The following CCDC60 variants were observed in gnomAD, a reference collection of about 807,000 sequenced individuals.
The protein encoded by CCDC60 is coiled-coil domain-containing protein 60.
CCDC60 carries 54 observed loss-of-function variants against 63.5 expected under a neutral mutation model. The observed-to-expected ratio is 0.85, with a 90% CI of 0.68 to 1.07. The LOEUF (loss-of-function observed/expected upper bound fraction) is 1.07, where lower values mean the gene tolerates loss of function less well. Ranked by LOEUF, CCDC60 falls within the 50% of genes least tolerant of loss-of-function variation. The pLI is 0.00. For missense variants in CCDC60, 651 were observed against 684.3 expected, an observed-to-expected ratio of 0.95 and a Z score of 0.54; for synonymous variants, 206 against 238.8, an observed-to-expected ratio of 0.86 and a Z score of 1.27.
Position 119,523,940 on chromosome 12 carries a change from G to C in CCDC60, c.1229+122G>C, listed in dbSNP as rs1002086648. On this transcript the variant is annotated intron_variant, in intron 11 of 13. Transcript: ENST00000327554. ...AGAAGAACTTGTTCTCTGTCCTCAG[G>C]GAGCTCACAGTCTTCTGGAAAATAT... The C allele has an allele frequency of 1.4e-5, 14 of 996,256 alleles. No individual in the cohort carries two copies. In the Admixed American group the frequency reaches 2.6e-4, roughly 18 times the overall value. 61.7% of individuals were successfully genotyped at this position (996,256 alleles called of 1,614,324 possible). A position where few individuals can be genotyped will look rare whatever the true frequency, so the allele number is the denominator to read the frequency against.
intron 9 of CCDC60, among the ~76,000 whole-genome samples, chr12:119,522,238 G>A (rs925569413): frequency 6.6e-6 from 1 of 152,216 alleles, no homozygotes; most frequent in Admixed American, 6.5e-5. Flanking sequence ...GAAAGCCCAA[G>A]TCCCTAAACA....
At chr12:119,475,286 A>G (rs1047009582) in intron 3 of CCDC60, among the ~76,000 whole-genome samples, 3 of 152,222 alleles carry the variant, frequency 2.0e-5, no homozygotes, top group African/African-American at 7.2e-5. Context: ...GATGGTGTCT[A>G]TGAAAGACAC....
chr12:119,377,529 C>T (rs1955965741), intron 1 of CCDC60, among the ~76,000 whole-genome samples: 1 of 152,158 alleles, frequency 6.6e-6, no homozygotes, highest in Non-Finnish European at 1.5e-5. Context: ...TCATCCCAAA[C>T]CAGTTTTACT....
chr12:119,428,422 G>A (rs1172776345), intron 1 of CCDC60, among the ~76,000 whole-genome samples: 1 of 152,188 alleles, frequency 6.6e-6, no homozygotes, highest in Non-Finnish European at 1.5e-5. Context: ...GAGAGGTTGA[G>A]TAATTTGTTC....
chr12:119,511,576 T>C (rs1336579557), intron 7 of CCDC60, among the ~76,000 whole-genome samples: 1 of 152,186 alleles, frequency 6.6e-6, no homozygotes, highest in East Asian at 1.9e-4. Flanking sequence ...AAAGACTTCC[T>C]CTATTCCCCC....
chr12:119,427,105 A>G (rs1956915452), intron 1 of CCDC60, among the ~76,000 whole-genome samples: 2 of 151,178 alleles, frequency 1.3e-5, no homozygotes, highest in Admixed American at 1.3e-4. Context: ...TTTGCTGTTT[A>G]CTTTTTAAAT....
At chr12:119,359,536 C>CTTTTTTTTTTTT (rs57310847) in intron 1 of CCDC60, among the ~76,000 whole-genome samples, 5 of 137,438 alleles carry the variant, frequency 3.6e-5, no homozygotes, top group Non-Finnish European at 3.1e-5. Flanking sequence ...TATCACAGGT[C>CTTTTTTTTTTTT]TTTTTTTTTT....
intron 2 of CCDC60, among the ~76,000 whole-genome samples, chr12:119,452,969 C>T (rs745987353): frequency 1.7e-4 from 26 of 152,186 alleles, no homozygotes; most frequent in Admixed American, 5.9e-4. Flanking sequence ...ATTACAGGCA[C>T]GCACCACCAT....
At chr12:119,436,766 A>G (rs1950334422) in intron 2 of CCDC60, among the ~76,000 whole-genome samples, 1 of 152,098 alleles carries the variant, frequency 6.6e-6, no homozygotes, top group Admixed American at 6.5e-5. Flanking sequence ...TGAACTCCTG[A>G]CCTCAGGTGA....
chr12:119,382,765 A>G (rs1421379258), intron 1 of CCDC60, among the ~76,000 whole-genome samples: 1 of 152,134 alleles, frequency 6.6e-6, no homozygotes, highest in Non-Finnish European at 1.5e-5. Flanking sequence ...GAGGCCATGG[A>G]CGCATTCTAC....
intron 1 of CCDC60, among the ~76,000 whole-genome samples, chr12:119,379,434 C>T (rs972217647): frequency 3.9e-5 from 6 of 152,162 alleles, no homozygotes; most frequent in African/African-American, 1.2e-4. Context: ...TGGGTACCCA[C>T]GAGGTCCACA....
At chr12:119,502,230 C>T (rs1951871536) in intron 6 of CCDC60, among the ~76,000 whole-genome samples, 1 of 152,140 alleles carries the variant, frequency 6.6e-6, no homozygotes, top group African/African-American at 2.4e-5. Context: ...GAGCCCAGAG[C>T]TTATCATTTT....
chr12:119,384,142 G>A (rs1232039778), intron 1 of CCDC60, among the ~76,000 whole-genome samples: 1 of 151,960 alleles, frequency 6.6e-6, no homozygotes, highest in Non-Finnish European at 1.5e-5. Context: ...CTTGCAGTGA[G>A]CTGACATCGT....
At chr12:119,472,305 G>T in intron 3 of CCDC60, 141 bp downstream of exon 3, 1 of 751,846 alleles carries the variant, frequency 1.3e-6, no homozygotes, top group East Asian at 2.5e-5. Context: ...CTTCTTTAGT[G>T]TGGTCCAACC....
intron 1 of CCDC60, among the ~76,000 whole-genome samples, chr12:119,387,034 T>TCACACACACA (rs1555233707): frequency 1.7e-4 from 18 of 105,436 alleles, no homozygotes; most frequent in East Asian, 7.8e-4. Flanking sequence ...TCTGTCTCTC[T>TCACACACACA]CACACACACA....
intron 1 of CCDC60, among the ~76,000 whole-genome samples, chr12:119,401,993 T>A (rs1048261260): frequency 2.0e-5 from 3 of 152,184 alleles, no homozygotes; most frequent in Admixed American, 2.0e-4. Context: ...AGAGCCCCCA[T>A]AAACCTGGCT....
Position 119,505,178 on chromosome 12 carries a change from G to A in CCDC60, c.758G>A (p.Ser253Asn). The A allele has an allele frequency of 6.2e-7, 1 of 1,614,128 alleles. No individual in the cohort carries two copies. Reference protein sequence around the residue: ...RASGGSSPQSSMISVNPGSDE... With the variant: ...RASGGSSPQSNMISVNPGSDE... ...AGTGGGGGGTCCTCTCCCCAGAGCA[G>A]CATGATCTCTGTGAACCCTGGCTCG... The change falls in exon 7 of 14, where the codon AGC (serine) becomes AAC (asparagine). Residue 253 changes from serine (S) to asparagine (N), a missense_variant. Transcript: ENST00000327554.
chr12:119,486,226 G>A (rs149800551), intron 4 of CCDC60, among the ~76,000 whole-genome samples: 11 of 152,274 alleles, frequency 7.2e-5, no homozygotes, highest in Non-Finnish European at 1.3e-4. Context: ...AGGTGTTATG[G>A]GAGAAGAAAG....
chr12:119,384,385 T>G (rs997206438), intron 1 of CCDC60, among the ~76,000 whole-genome samples: 1 of 152,202 alleles, frequency 6.6e-6, no homozygotes, highest in Non-Finnish European at 1.5e-5. Flanking sequence ...TCACCACTAA[T>G]AAAGGCAGCT....
Sources: gnomAD v4.1 joint callset for allele counts (sites outside exome capture counted in the v4.1 genomes callset) on GRCh38, gnomAD v4.1.1 for gene constraint, MANE v1.5 for transcripts, NCBI Gene and HGNC (gene_info 2026-07-23, HGNC 2026-07-21) for gene names.